KCNK3: variants seen among roughly 807,000 people sequenced by gnomAD.
The protein encoded by KCNK3 is potassium channel subfamily K member 3.
KCNK3 carries 9 observed loss-of-function variants against 27.3 expected under a neutral mutation model. The ratio of observed to expected loss-of-function variants is 0.33; its 90% confidence interval spans 0.20 to 0.57. KCNK3 has a LOEUF of 0.57. Ranked by LOEUF, KCNK3 falls within the 20% of genes least tolerant of loss-of-function variation. The pLI is 0.87. For synonymous variants in KCNK3, 278 were observed against 273.8 expected (o/e 1.02, Z -0.15); for missense variants, 391 against 577.7 (o/e 0.68, Z 3.31).
intron 1 of KCNK3, among the ~76,000 whole-genome samples, chr2:26,699,207 G>GAGAAAGAAAGAAAAAAAGAA (rs1670274225): frequency 7.6e-6 from 1 of 130,966 alleles, no homozygotes; most frequent in Non-Finnish European, 1.6e-5. Context: ...AGGAAAGAGA[G>GAGAAAGAAAGAAAAAAAGAA]AGAAAGAAAG....
chr2:26,712,684 T>C (rs1249747786), intron 1 of KCNK3, among the ~76,000 whole-genome samples: 1 of 151,730 alleles, frequency 6.6e-6, no homozygotes, highest in Non-Finnish European at 1.5e-5. Flanking sequence ...TGTGTGTGTG[T>C]GTGTGTGTGT....
At chr2:26,700,700 T>C (rs1275979) in intron 1 of KCNK3, among the ~76,000 whole-genome samples, 73,500 of 151,554 alleles carry the variant, frequency 0.48, 20,400 homozygotes, top group Admixed American at 0.65. Flanking sequence ...TGTTGCTGCT[T>C]CTGCTTCTCC....
intron 1 of KCNK3, among the ~76,000 whole-genome samples, chr2:26,725,586 G>A (rs1032081960): frequency 4.6e-5 from 7 of 152,160 alleles, no homozygotes; most frequent in African/African-American, 7.2e-5. Flanking sequence ...CCCAGTTGTC[G>A]AGGTGAGTTG....
chr2:26,728,343 GC>G lies in KCNK3; in HGVS notation c.961del (p.Leu321CysfsTer7). On this transcript the variant is annotated frameshift_variant, in exon 2 of 2. Transcript: ENST00000302909. LOFTEE classifies it high-confidence loss of function. ...GCCTGTGGTACAAGAGCCGCGAGAA[GC>G]TGCAGTACTCCATCCCCATGATCAT... ...SCLWYKSREK[L>X]QYSIPMIIPR... 1 of 1,605,830 alleles carries G rather than the reference GC, an allele frequency of 6.2e-7. No individual in the cohort carries two copies. The highest frequency in any genetic ancestry group is 8.5e-7 in the Non-Finnish European group (1 of 1,176,472).
chr2:26,726,082 TACACAC>T lies in KCNK3; in HGVS notation c.284-1565_284-1560del, dbSNP rs147849352. On this transcript the variant is annotated intron_variant, in intron 1 of 1. Coordinates refer to ENST00000302909, the MANE Select transcript of KCNK3 (RefSeq NM_002246.3). ...AACTAAGGCTCAGAGAAATCATGCA[TACACAC>T]ACACACACACACACACACAGAGAGA... Among the ~76,000 whole-genome samples the T allele has an allele frequency of 1.0e-3, 145 of 139,942 alleles. 2 individuals carry two copies. The East Asian group carries it at 0.014, about 14-fold the overall frequency. The allele number at this position is 139,942 out of a possible 152,430, so 91.8% of individuals were successfully genotyped here.
intron 1 of KCNK3, among the ~76,000 whole-genome samples, chr2:26,697,636 G>A (rs563206837): frequency 7.2e-5 from 11 of 152,180 alleles, no homozygotes; most frequent in Admixed American, 1.3e-4. Context: ...CCCAGCACCC[G>A]CCATGGGCAC....
At chr2:26,703,361 G>T (rs1414161220) in intron 1 of KCNK3, among the ~76,000 whole-genome samples, 1 of 152,146 alleles carries the variant, frequency 6.6e-6, no homozygotes, top group East Asian at 1.9e-4. Flanking sequence ...ACAACTAGGG[G>T]CTTTAGCCTA....
chr2:26,700,825 T>G (rs1460934938), intron 1 of KCNK3, among the ~76,000 whole-genome samples: 1 of 152,220 alleles, frequency 6.6e-6, no homozygotes, highest in East Asian at 1.9e-4. Flanking sequence ...TCTGTCTCTT[T>G]GCTGGCTCTG....
At position 26,733,351 on chromosome 2, in the gene KCNK3, A is replaced by G. The variant is rs1366222858; in HGVS notation, c.*4783A>G. On this transcript the variant is annotated 3_prime_UTR_variant, in exon 2 of 2. Coordinates refer to ENST00000302909, the MANE Select transcript of KCNK3 (RefSeq NM_002246.3). ...AAATGAATTTGGGAAAATGCTGTCA[A>G]TATCACCGACTCATGGAGCTTCGCA... is the stretch of plus-strand genomic sequence containing the variant. 4 of 152,244 alleles carry G rather than the reference A, an allele frequency of 2.6e-5. No homozygotes were observed. The highest frequency in any genetic ancestry group is 3.8e-4 in the East Asian group (2 of 5,202). 9.4% of individuals were successfully genotyped at this position (152,244 alleles called of 1,614,324 possible).
chr2:26,719,760 T>A (rs1268574488), intron 1 of KCNK3, among the ~76,000 whole-genome samples: 1 of 152,174 alleles, frequency 6.6e-6, no homozygotes, highest in Admixed American at 6.5e-5. Flanking sequence ...CAGCACAACC[T>A]CAAGCTAGCC....
chr2:26,700,514 C>T (rs1670293530), intron 1 of KCNK3, among the ~76,000 whole-genome samples: 1 of 152,214 alleles, frequency 6.6e-6, no homozygotes, highest in Non-Finnish European at 1.5e-5. Flanking sequence ...GGCTGGTGGC[C>T]TCTCTGGCTG....
intron 1 of KCNK3, among the ~76,000 whole-genome samples, chr2:26,698,455 T>C (rs1432614540): frequency 6.6e-6 from 1 of 152,168 alleles, no homozygotes; most frequent in East Asian, 1.9e-4. Context: ...ATTTACAAAG[T>C]GGGGATAATA....
In KCNK3 at chr2:26,727,809, C is replaced by T. The variant is rs368608175; in HGVS notation, c.426C>T (p.Arg142=). 5 of 1,611,262 alleles carry T rather than the reference C, an allele frequency of 3.1e-6. No individual in the cohort carries two copies. The highest frequency in any genetic ancestry group is 2.7e-5 in the African/African-American group (2 of 75,026). ...INTLVRYLLH[R]AKKGLGMRRA... ...CCTTGGTGAGGTACCTGCTGCACCG[C>T]GCCAAGAAGGGGCTGGGCATGCGGC... The change falls in exon 2 of 2, where the codon CGC becomes CGT. Residue 142 remains arginine, a synonymous_variant. Transcript: ENST00000302909.
At chr2:26,706,393 C>T (rs911610813) in intron 1 of KCNK3, among the ~76,000 whole-genome samples, 2 of 152,136 alleles carry the variant, frequency 1.3e-5, no homozygotes, top group Admixed American at 1.3e-4. Context: ...ACTGCCTGCT[C>T]TCAAACAACC....
intron 1 of KCNK3, among the ~76,000 whole-genome samples, chr2:26,706,613 C>T (rs1299451654): frequency 6.6e-6 from 1 of 152,156 alleles, no homozygotes; most frequent in African/African-American, 2.4e-5. Flanking sequence ...CCAGGAGGGG[C>T]CGGAGAGAGA....
Position 26,692,994 on chromosome 2 carries a change from G to C in KCNK3, c.119G>C (p.Arg40Pro). 1 of 1,576,252 alleles carries C rather than the reference G, an allele frequency of 6.3e-7. No individual in the cohort carries two copies. Among genetic ancestry groups the C allele is most frequent in the Non-Finnish European group, 8.6e-7 (1 of 1,166,236 alleles). ...GAGCCCGAGCTGATCGAGCGGCAGC[G>C]GCTGGAGCTGCGGCAGCAGGAGCTG... ...ESEPELIERQ[R>P]LELRQQELRA... Residue 40 changes from arginine to proline, a missense_variant, in exon 1 of 2, where the codon CGG becomes CCG. Arg to Pro is a moderately radical substitution (Grantham distance 103). Transcript: ENST00000302909. The surrounding 1 kb of genome is among the most constrained non-coding windows in gnomAD (Gnocchi z 5.6).
intron 1 of KCNK3, among the ~76,000 whole-genome samples, chr2:26,699,578 A>C (rs1670282307): frequency 6.6e-6 from 1 of 152,262 alleles, no homozygotes; most frequent in Admixed American, 6.5e-5. Flanking sequence ...TGTAATTAAA[A>C]AAATGTAGAA....
intron 1 of KCNK3, among the ~76,000 whole-genome samples, chr2:26,714,266 A>C (rs975644962): frequency 1.3e-5 from 2 of 151,626 alleles, no homozygotes; most frequent in Admixed American, 6.6e-5. Flanking sequence ...GAGGGGAAGC[A>C]GCAGGCCCAG....
At chr2:26,719,149 T>A (rs1298660926) in intron 1 of KCNK3, among the ~76,000 whole-genome samples, 1 of 152,208 alleles carries the variant, frequency 6.6e-6, no homozygotes, top group Non-Finnish European at 1.5e-5. Flanking sequence ...GCTATAAACA[T>A]CCTTGTTCAT....
Sources: allele counts gnomAD v4.1 joint callset (sites outside exome capture counted in the v4.1 genomes callset), GRCh38; gene constraint gnomAD v4.1.1; non-coding constraint Gnocchi (gnomAD v3.1); transcripts MANE v1.5; gene names NCBI Gene and HGNC (gene_info 2026-07-23, HGNC 2026-07-21).